The following NPAS3 variants were observed in gnomAD, a reference collection of about 807,000 sequenced individuals.
The protein encoded by NPAS3 is neuronal PAS domain protein 3, also known as neuronal PAS domain-containing protein 3.
NPAS3 carries 14 observed loss-of-function variants against 73.1 expected under a neutral mutation model. That is an observed-to-expected ratio of 0.19 (90% confidence interval 0.13 to 0.30). The LOEUF (loss-of-function observed/expected upper bound fraction) is 0.30, where lower values mean the gene tolerates loss of function less well. NPAS3 is among the 10% of genes least tolerant of loss of function. The probability of loss-of-function intolerance (pLI) is 1.00; values close to 1 mark genes in which losing one functional copy is unlikely to be tolerated. For missense variants in NPAS3, 1,096 were observed against 1,250.0 expected, an observed-to-expected ratio of 0.88 and a Z score of 1.86; for synonymous variants, 620 against 541.5, an observed-to-expected ratio of 1.14 and a Z score of -2.01.
At chr14:33,673,052 CCTTTAGTGCCTT>C (rs2140322739) in intron 5 of NPAS3, among the ~76,000 whole-genome samples, 1 of 152,360 alleles carries the variant, frequency 6.6e-6, no homozygotes, top group African/African-American at 2.4e-5. Context: ...TAGTACACCT[CCTTTAGTGCCTT>C]CTTTTGGCCA....
intron 3 of NPAS3, among the ~76,000 whole-genome samples, chr14:33,358,934 G>A (rs1303328236): frequency 1.3e-5 from 2 of 152,048 alleles, no homozygotes; most frequent in Non-Finnish European, 2.9e-5. Context: ...AGATTGTTGA[G>A]CTTTGGAAAT....
chr14:33,324,826 T>C (rs900347680), intron 3 of NPAS3, among the ~76,000 whole-genome samples: 17 of 152,140 alleles, frequency 1.1e-4, no homozygotes, highest in African/African-American at 4.1e-4. Context: ...TTTAGAGTAA[T>C]GATTGAGAAT....
intron 2 of NPAS3, among the ~76,000 whole-genome samples, chr14:33,061,436 A>G (rs1272649059): frequency 6.6e-6 from 1 of 152,252 alleles, no homozygotes; most frequent in South Asian, 2.1e-4. Flanking sequence ...CTTTGTAGCA[A>G]GAACTGCTTC....
intron 6 of NPAS3, among the ~76,000 whole-genome samples, chr14:33,688,252 A>G (rs2060142745): frequency 3.9e-5 from 6 of 152,218 alleles, no homozygotes. Flanking sequence ...TTAAACGGCA[A>G]AGGAAAAAAC....
intron 4 of NPAS3, among the ~76,000 whole-genome samples, chr14:33,404,368 A>G (rs2047573676): frequency 6.6e-6 from 1 of 152,118 alleles, no homozygotes; most frequent in African/African-American, 2.4e-5. Context: ...CCATGGTGAC[A>G]CATAAGGCAC....
At chr14:33,204,513 A>G (rs754345057) in intron 2 of NPAS3, among the ~76,000 whole-genome samples, 18 of 152,128 alleles carry the variant, frequency 1.2e-4, no homozygotes, top group South Asian at 2.1e-4. Context: ...TTCAGGAAGC[A>G]CAGTCTGTGC....
intron 3 of NPAS3, among the ~76,000 whole-genome samples, chr14:33,364,670 T>C (rs1414478507): frequency 6.6e-6 from 1 of 152,034 alleles, no homozygotes; most frequent in Non-Finnish European, 1.5e-5. Context: ...ACTATACAGA[T>C]AGAACTCATG....
intron 2 of NPAS3, among the ~76,000 whole-genome samples, chr14:33,078,399 A>C (rs1169617975): frequency 6.6e-6 from 1 of 152,136 alleles, no homozygotes; most frequent in African/African-American, 2.4e-5. Flanking sequence ...ATGCATTTAA[A>C]TTGGCTTCCA....
At chr14:33,348,406 T>C (rs1199328210) in intron 3 of NPAS3, among the ~76,000 whole-genome samples, 1 of 152,120 alleles carries the variant, frequency 6.6e-6, no homozygotes, top group Non-Finnish European at 1.5e-5. Context: ...AAACCCTATG[T>C]AGATAGGGAA....
intron 6 of NPAS3, among the ~76,000 whole-genome samples, chr14:33,685,396 C>A (rs2060061437): frequency 6.6e-6 from 1 of 152,144 alleles, no homozygotes; most frequent in African/African-American, 2.4e-5. Context: ...CTTTGACATG[C>A]CCAAACATAT....
chr14:33,571,815 C>T (rs2056226975), intron 5 of NPAS3, among the ~76,000 whole-genome samples: 1 of 152,276 alleles, frequency 6.6e-6, no homozygotes, highest in South Asian at 2.1e-4. Context: ...GAATTGCTCT[C>T]ATTTGAGCAC....
intron 3 of NPAS3, among the ~76,000 whole-genome samples, chr14:33,297,012 C>T (rs1191123254): frequency 6.6e-6 from 1 of 152,122 alleles, no homozygotes; most frequent in Non-Finnish European, 1.5e-5. Flanking sequence ...CTCAAGAACC[C>T]TATTTCTCAT....
chr14:33,053,528 T>G (rs1329114137), intron 1 of NPAS3, among the ~76,000 whole-genome samples: 2 of 152,206 alleles, frequency 1.3e-5, no homozygotes, highest in Admixed American at 1.3e-4. Context: ...GAAAGGCATA[T>G]TTGAACTTTT....
chr14:33,215,526 A>G, intron 3 of NPAS3, 100 bp downstream of exon 3: 1 of 1,341,214 alleles, frequency 7.5e-7, no homozygotes, highest in Non-Finnish European at 1.1e-6. Flanking sequence ...TGCATATCAA[A>G]TCCTTTAAAG....
At chr14:33,617,616 T>G (rs2057958804) in intron 5 of NPAS3, among the ~76,000 whole-genome samples, 1 of 152,236 alleles carries the variant, frequency 6.6e-6, no homozygotes. Flanking sequence ...CTGTTCCTTC[T>G]CAAAATTAAT....
chr14:33,157,964 G>C (rs535406110), intron 2 of NPAS3, among the ~76,000 whole-genome samples: 5 of 152,220 alleles, frequency 3.3e-5, no homozygotes, highest in African/African-American at 1.2e-4. Flanking sequence ...GTTAGTGTTT[G>C]GTAAATGTTG....
chr14:33,738,397 AG>A (rs1487091974), intron 7 of NPAS3, among the ~76,000 whole-genome samples: 1 of 152,184 alleles, frequency 6.6e-6, no homozygotes, highest in Non-Finnish European at 1.5e-5. Context: ...AATTTTTAAA[AG>A]AAAAACTTCT....
chr14:33,494,783 AAT>A (rs749531367), intron 4 of NPAS3, among the ~76,000 whole-genome samples: 6 of 152,088 alleles, frequency 3.9e-5, no homozygotes, highest in Admixed American at 6.6e-5. Context: ...GAAATAAAAA[AAT>A]ATATGTCACT....
At chr14:33,318,253 G>A (rs897619419) in intron 3 of NPAS3, among the ~76,000 whole-genome samples, 15 of 152,072 alleles carry the variant, frequency 9.9e-5, no homozygotes, top group Non-Finnish European at 2.1e-4. Flanking sequence ...CAAAAGACAA[G>A]TACTATATGA....
Sources: allele counts gnomAD v4.1 joint callset (sites outside exome capture counted in the v4.1 genomes callset), GRCh38; gene constraint gnomAD v4.1.1; transcripts MANE v1.5; gene names NCBI Gene and HGNC (gene_info 2026-07-23, HGNC 2026-07-21).